The following BLK variants were observed in gnomAD, a reference collection of about 807,000 sequenced individuals.
The protein encoded by BLK is tyrosine-protein kinase Blk.
BLK carries 64 observed loss-of-function variants against 61.8 expected under a neutral mutation model. The observed-to-expected ratio is 1.03, with a 90% CI of 0.85 to 1.27. The LOEUF is 1.27. BLK is among the 50% of genes most tolerant of loss of function. The pLI is 0.00. For missense variants in BLK, 853 were observed against 660.5 expected, an observed-to-expected ratio of 1.29 and a Z score of -3.19; for synonymous variants, 351 against 272.0, an observed-to-expected ratio of 1.29 and a Z score of -2.86.
chr8:11,520,660 C>A (rs1373428978), intron 1 of BLK, among the ~76,000 whole-genome samples: 1 of 152,056 alleles, frequency 6.6e-6, no homozygotes, highest in Admixed American at 6.5e-5. Flanking sequence ...GTGAGAGACG[C>A]CTGCTAACAT....
intron 10 of BLK, chr8:11,560,088 T>C (rs984049477): frequency 4.5e-4 from 123 of 271,330 alleles, no homozygotes; most frequent in Admixed American, 9.4e-4. Context: ...AAATGAGTAT[T>C]GATTGCATGG....
chr8:11,511,985 T>C (rs1799027800), intron 1 of BLK, among the ~76,000 whole-genome samples: 1 of 152,238 alleles, frequency 6.6e-6, no homozygotes, highest in Non-Finnish European at 1.5e-5. Context: ...ATTGTTTGAT[T>C]ATTTAATTTA....
At chr8:11,502,844 C>T (rs955629082) in intron 1 of BLK, among the ~76,000 whole-genome samples, 1 of 152,248 alleles carries the variant, frequency 6.6e-6, no homozygotes, top group Admixed American at 6.5e-5. Context: ...AGGTGGGTGA[C>T]CCTGCTTTGT....
intron 2 of BLK, chr8:11,545,741 T>A (rs1215889796): frequency 2.3e-6 from 1 of 440,754 alleles, no homozygotes; most frequent in Non-Finnish European, 4.2e-6. Context: ...AGTTTGATCT[T>A]GTAATGGTAG....
At chr8:11,556,615 GCTCT>G (rs781393231) in intron 8 of BLK, 39 bp from the exon 9 acceptor site, 11 of 1,613,342 alleles carry the variant, frequency 6.8e-6, no homozygotes, top group African/African-American at 5.3e-5. Flanking sequence ...CTCCGAGCAA[GCTCT>G]CTGTCTTCTG....
At chr8:11,536,931 T>A (rs1056471056) in intron 1 of BLK, among the ~76,000 whole-genome samples, 1 of 152,180 alleles carries the variant, frequency 6.6e-6, no homozygotes, top group Non-Finnish European at 1.5e-5. Flanking sequence ...CTCCTTATTT[T>A]CCTGTGAGAG....
chr8:11,550,602 G>A (rs73195289), intron 6 of BLK, among the ~76,000 whole-genome samples: 1 of 152,208 alleles, frequency 6.6e-6, no homozygotes, highest in Non-Finnish European at 1.5e-5. Flanking sequence ...AGCCTCTTTG[G>A]AATCAAGGAT....
chr8:11,525,691 T>G (rs2898282), intron 1 of BLK, among the ~76,000 whole-genome samples: 2 of 152,130 alleles, frequency 1.3e-5, no homozygotes, highest in African/African-American at 2.4e-5. Flanking sequence ...TCGCCTTCCC[T>G]GCCACCACTC....
intron 1 of BLK, among the ~76,000 whole-genome samples, chr8:11,498,134 C>CTT (rs1449753697): frequency 5.3e-5 from 8 of 152,198 alleles, no homozygotes; most frequent in Admixed American, 3.9e-4. Context: ...TTTTTGCACA[C>CTT]TTTGGCACCT....
chr8:11,511,198 A>T (rs927136382), intron 1 of BLK, among the ~76,000 whole-genome samples: 1 of 152,234 alleles, frequency 6.6e-6, no homozygotes, highest in South Asian at 2.1e-4. Context: ...ACTTCAGCTC[A>T]TTGAATTCCT....
intron 6 of BLK, chr8:11,552,509 T>G (rs990156986): frequency 6.6e-6 from 1 of 152,216 alleles, no homozygotes; most frequent in African/African-American, 2.4e-5. Flanking sequence ...AGTGTTTTAT[T>G]GTTGTTCCAG....
chr8:11,516,640 A>T (rs1799240186), intron 1 of BLK, among the ~76,000 whole-genome samples: 1 of 152,150 alleles, frequency 6.6e-6, no homozygotes, highest in Non-Finnish European at 1.5e-5. Flanking sequence ...GTGTCGATGA[A>T]TTGGGCTACT....
rs138513291 is a variant in BLK at position 11,532,271 on chromosome 8, T to A, written c.-1-10953T>A. 5.5e-3 allele frequency among the ~76,000 whole-genome samples: 830 copies of A among 151,840 alleles called. 8 individuals are homozygous for A. The highest frequency in any genetic ancestry group is 0.017 in the African/African-American group (699 of 41,394). On this transcript the variant is annotated intron_variant, in intron 1 of 12. Transcript: ENST00000259089. Reference sequence around the variant, plus strand: ...TAGAGTGCAGTGGTGTGATCTTGGCTCAAAGCAACCTCTGCCTCCCAGGCT... The same window carrying A: ...TAGAGTGCAGTGGTGTGATCTTGGCACAAAGCAACCTCTGCCTCCCAGGCT...
intron 1 of BLK, among the ~76,000 whole-genome samples, chr8:11,534,028 G>A (rs1281025880): frequency 6.6e-6 from 1 of 152,186 alleles, no homozygotes; most frequent in Non-Finnish European, 1.5e-5. Flanking sequence ...TCCATGAAGT[G>A]GAGCTCATGA....
chr8:11,547,904 C>G, intron 3 of BLK, 128 bp from the exon 4 acceptor site: 3 of 839,460 alleles, frequency 3.6e-6, no homozygotes, highest in South Asian at 1.4e-5. Context: ...GGGGCCTGTG[C>G]TGGGTGAGAA....
At chr8:11,510,325 C>G (rs1417437646) in intron 1 of BLK, among the ~76,000 whole-genome samples, 1 of 152,116 alleles carries the variant, frequency 6.6e-6, no homozygotes, top group African/African-American at 2.4e-5. Context: ...GCCAGGGTTA[C>G]TGGTGTGGTC....
At chr8:11,549,456 A>G (rs1800805157) in intron 5 of BLK, among the ~76,000 whole-genome samples, 1 of 152,188 alleles carries the variant, frequency 6.6e-6, no homozygotes, top group African/African-American at 2.4e-5. Context: ...TACAGCCTCC[A>G]TGGGCAGGAC....
chr8:11,563,122 AC>A lies in BLK; in HGVS notation c.1312+16del. The A allele has an allele frequency of 6.2e-7, 1 of 1,613,498 alleles. No homozygotes were observed. Among genetic ancestry groups the A allele is most frequent in the African/African-American group, 1.3e-5 (1 of 75,050 alleles). On this transcript the variant is annotated intron_variant, in intron 12 of 12. Transcript: ENST00000259089. Reference sequence around the variant, plus strand: ...GGTGCCATACCCAGGTAGGTGGCTCACCCCGCAGCTCGCGGCTCCCTGCTTT... The same window carrying A: ...GGTGCCATACCCAGGTAGGTGGCTCACCCGCAGCTCGCGGCTCCCTGCTTT...
chr8:11,494,870 C>A (rs748106088), intron 1 of BLK, among the ~76,000 whole-genome samples: 4 of 152,182 alleles, frequency 2.6e-5, no homozygotes, highest in South Asian at 2.1e-4. Flanking sequence ...AGAGAAGGGA[C>A]GTGGGATGTA....
Sources: allele counts gnomAD v4.1 joint callset (sites outside exome capture counted in the v4.1 genomes callset), GRCh38; gene constraint gnomAD v4.1.1; transcripts MANE v1.5; gene names NCBI Gene and HGNC (gene_info 2026-07-23, HGNC 2026-07-21).